Variants in PHYHD1 observed in about 807,000 individuals in gnomAD.
The protein encoded by PHYHD1 is phytanoyl-CoA dioxygenase domain-containing protein 1.
Under a neutral mutation model 43.6 loss-of-function variants are expected in PHYHD1, and 42 were observed. The observed-to-expected ratio is 0.96, with a 90% CI of 0.75 to 1.25. The LOEUF (loss-of-function observed/expected upper bound fraction) is 1.25, where lower values mean the gene tolerates loss of function less well. Among genes scored for constraint, PHYHD1 ranks in the 50% most tolerant of loss-of-function variants. The pLI, the probability that PHYHD1 is intolerant of heterozygous loss-of-function variation, is 0.00. For synonymous variants in PHYHD1, 139 were observed against 143.6 expected (o/e 0.97, Z 0.23); for missense variants, 342 against 370.8 (o/e 0.92, Z 0.64).
At chr9:128,933,537 A>G (rs1564540974) in intron 4 of PHYHD1, among the ~76,000 whole-genome samples, 2 of 152,178 alleles carry the variant, frequency 1.3e-5, no homozygotes, top group African/African-American at 2.4e-5. Flanking sequence ...CGACTCTAGC[A>G]TCCATGTTCT....
At chr9:128,931,252 C>T (rs1841268448) in intron 4 of PHYHD1, among the ~76,000 whole-genome samples, 1 of 152,050 alleles carries the variant, frequency 6.6e-6, no homozygotes, top group African/African-American at 2.4e-5. Context: ...GCTGGGATTA[C>T]AGGCGTGTGC....
chr9:128,927,069 G>A lies in PHYHD1; in HGVS notation c.65G>A (p.Gly22Glu). ...CAGGATGGATTCCTGGTGCTGGAAG[G>A]ATTCTTGTCTGCGGAAGAGTGTGTG... ...FQQDGFLVLEGFLSAEECVAM... is the reference protein window; with the variant it reads ...FQQDGFLVLEEFLSAEECVAM... Residue 22 changes from glycine (G) to glutamate (E), a missense_variant, in exon 4 of 13, where the codon GGA becomes GAA. Physicochemically the swap from Gly to Glu is moderately conservative, Grantham distance 98 (BLOSUM62 -2). Coordinates refer to ENST00000372592, the MANE Select transcript of PHYHD1 (RefSeq NM_001100876.2). The A allele has an allele frequency of 1.2e-6, 2 of 1,614,186 alleles. No homozygotes were observed. Among genetic ancestry groups the A allele is most frequent in the Non-Finnish European group, 1.7e-6 (2 of 1,180,034 alleles).
chr9:128,940,920 A>G (rs1488090322), intron 11 of PHYHD1, among the ~76,000 whole-genome samples: 1 of 151,966 alleles, frequency 6.6e-6, no homozygotes, highest in Non-Finnish European at 1.5e-5. Flanking sequence ...TGGAATCCAC[A>G]CTCTGCTACT....
chr9:128,936,410 GC>G lies in PHYHD1; in HGVS notation c.317-36del, dbSNP rs567577250. The stretch of plus-strand genomic sequence containing the variant: ...GAGCTGGGTGTGGAGGGACACGTGG[GC>G]CTGAGATGGGGCCGACAGCTTCCTT... On this transcript the variant is annotated intron_variant, in intron 6 of 12. Transcript: ENST00000372592. 1,899 of 1,589,186 alleles carry G rather than the reference GC, an allele frequency of 1.2e-3. 19 individuals carry two copies. Among genetic ancestry groups the G allele is most frequent in the Non-Finnish European group, 1.7e-4 (200 of 1,167,896 alleles).
intron 6 of PHYHD1, among the ~76,000 whole-genome samples, chr9:128,935,152 G>A (rs1362862378): frequency 6.6e-6 from 1 of 152,144 alleles, no homozygotes; most frequent in East Asian, 1.9e-4. Flanking sequence ...AGGAGGTCTC[G>A]TTATGTTGCC....
chr9:128,938,490 C>T (rs977629904), intron 9 of PHYHD1, among the ~76,000 whole-genome samples: 1 of 152,042 alleles, frequency 6.6e-6, no homozygotes. Context: ...GGCACAATTT[C>T]GGCTCACTAC....
chr9:128,924,634 A>T (rs984441500), intron 3 of PHYHD1, among the ~76,000 whole-genome samples: 1 of 150,152 alleles, frequency 6.7e-6, no homozygotes, highest in African/African-American at 2.4e-5. Flanking sequence ...AAAAAGAAGA[A>T]GGAAAGAAAA....
At chr9:128,929,750 C>A (rs1329482878) in intron 4 of PHYHD1, among the ~76,000 whole-genome samples, 2 of 152,078 alleles carry the variant, frequency 1.3e-5, no homozygotes, top group Non-Finnish European at 2.9e-5. Context: ...TCCTTTGAAC[C>A]AGTTGTAACA....
chr9:128,931,982 A>G (rs1162840185), intron 4 of PHYHD1, among the ~76,000 whole-genome samples: 1 of 149,050 alleles, frequency 6.7e-6, no homozygotes, highest in African/African-American at 2.5e-5. Flanking sequence ...TTACAGGTGC[A>G]TGCTACCACG....
Position 128,941,898 on chromosome 9 carries a change from C to A in PHYHD1, c.*185C>A. Reference sequence around the variant, plus strand: ...CTTCCCTAAGATCTTCACCTCTCTGCCTCCCTACTGCCCCAACATAGCCTT... The same window carrying A: ...CTTCCCTAAGATCTTCACCTCTCTGACTCCCTACTGCCCCAACATAGCCTT... On this transcript the variant is annotated 3_prime_UTR_variant, in exon 13 of 13. Coordinates refer to ENST00000372592, the MANE Select transcript of PHYHD1 (RefSeq NM_001100876.2). 2.8e-6 allele frequency: 2 copies of A among 717,368 alleles called. No individual in the cohort carries two copies. Among genetic ancestry groups the A allele is most frequent in the South Asian group, 3.6e-5 (2 of 55,118 alleles). 44.4% of individuals were successfully genotyped at this position (717,368 alleles called of 1,614,324 possible). A position where few individuals can be genotyped will look rare whatever the true frequency, so the allele number is the denominator to read the frequency against.
rs200676660 is a variant in PHYHD1, at chr9:128,940,694, G to T, written c.682G>T (p.Val228Leu). Residue 228 changes from valine (V) to leucine (L), a missense_variant, in exon 11 of 13, where the codon GTG (valine) becomes TTG (leucine). Physicochemically the swap from Val to Leu is conservative, Grantham distance 32. Coordinates refer to ENST00000372592, the MANE Select transcript of PHYHD1 (RefSeq NM_001100876.2). ...SEPARDNSLF[V>L]PTPVQRGALV... The stretch of plus-strand genomic sequence containing the variant: ...GCCAGCCCGGGATAACAGCCTCTTT[G>T]TGCCCACCCCAGTGCAGAGAGGTAG... 64 of 1,613,658 alleles carry T rather than the reference G, an allele frequency of 4.0e-5. No homozygotes were observed. Among genetic ancestry groups the T allele is most frequent in the Admixed American group, 1.2e-4 (7 of 60,018 alleles).
chr9:128,927,061 G>C lies in PHYHD1; in HGVS notation c.57G>C (p.Val19=). The C allele has an allele frequency of 6.2e-7, 1 of 1,614,182 alleles. No homozygotes were observed. Among genetic ancestry groups the C allele is most frequent in the Non-Finnish European group, 8.5e-7 (1 of 1,180,036 alleles). ...AGTTCCAACAGGATGGATTCCTGGT[G>C]CTGGAAGGATTCTTGTCTGCGGAAG... ...LQKFQQDGFL[V]LEGFLSAEEC... Residue 19 remains valine, a synonymous_variant, in exon 4 of 13, where the codon GTG becomes GTC. Transcript: ENST00000372592.
Position 128,936,500 on chromosome 9 carries a change from G to T in PHYHD1, c.369G>T (p.Val123=). ...VFKSITHSFK[V]QTLARSLGLQ... ...AGAGCATCACACACTCCTTCAAGGT[G>T]CAGGTGAGCAGAGGTGGGGGTGAGG... Residue 123 remains valine (V), a synonymous_variant, in exon 7 of 13, where the codon GTG becomes GTT. Transcript: ENST00000372592. 6.2e-7 allele frequency: 1 copy of T among 1,613,790 alleles called. No individual in the cohort carries two copies. The highest frequency in any genetic ancestry group is 1.1e-5 in the South Asian group (1 of 90,938).
chr9:128,940,489 C>G lies in PHYHD1; in HGVS notation c.578C>G (p.Ser193Cys). Residue 193 changes from serine to cysteine, a missense_variant, in exon 10 of 13, where the codon TCC becomes TGC. Ser to Cys is a moderately radical substitution (Grantham distance 112, BLOSUM62 -1). Transcript: ENST00000372592. The part of the protein sequence containing the change: ...ENGCLWFIPG[S>C]HTSGVSRRMV... ...GGCTGTCTCTGGTTCATCCCTGGCT[C>G]CCACACCAGTGAGGAACCCTGTCTC... 6.2e-7 allele frequency: 1 copy of G among 1,614,146 alleles called. No individual in the cohort carries two copies. The highest frequency in any genetic ancestry group is 8.5e-7 in the Non-Finnish European group (1 of 1,180,026).
chr9:128,940,775 G>T, intron 11 of PHYHD1, 60 bp downstream of exon 11: 2 of 1,552,200 alleles, frequency 1.3e-6, no homozygotes, highest in African/African-American at 1.4e-5. Context: ...GTGCTTGCTC[G>T]ACTACCCAGC....
Position 128,933,821 on chromosome 9 carries a change from C to T in PHYHD1, c.232C>T (p.Arg78Ter), listed in dbSNP as rs139012443. Residue 78 changes from arginine (R) to a stop codon, truncating the protein, a stop_gained, in exon 5 of 13, where the codon CGA becomes TGA. Coordinates refer to ENST00000372592, the MANE Select transcript of PHYHD1 (RefSeq NM_001100876.2). LOFTEE classifies it high-confidence loss of function. ...TTTCTTGAGCAGTGGTGACAAGATT[C>T]GATTCTTCTTTGAGAAAGGCGTTTT... ...DYFLSSGDKI[R>*]FFFEKGVFDE... 166 of 1,614,120 alleles carry T rather than the reference C, an allele frequency of 1.0e-4. 1 individual carries two copies. Among genetic ancestry groups the T allele is most frequent in the Middle Eastern group, 6.6e-4 (4 of 6,058 alleles).
intron 4 of PHYHD1, among the ~76,000 whole-genome samples, chr9:128,927,414 T>G (rs1841165101): frequency 6.6e-6 from 1 of 152,104 alleles, no homozygotes; most frequent in Admixed American, 6.6e-5. Context: ...CTCACTCTGT[T>G]GCTCAGTCTG....
rs1182837959 is a variant in PHYHD1 at position 128,934,020 on chromosome 9, T to C, written c.278T>C (p.Leu93Pro). The C allele has an allele frequency of 1.9e-6, 3 of 1,613,688 alleles. No homozygotes were observed. Among genetic ancestry groups the C allele is most frequent in the Non-Finnish European group, 1.7e-6 (2 of 1,179,886 alleles). Reference protein sequence around the residue: ...KGVFDEKGNFLVPPEKSINKI... With the variant: ...KGVFDEKGNFPVPPEKSINKI... ...GTTCTTTGTGCCACAGGAAATTTCCTGGTCCCTCCGGAGAAATCCATCAAC... is the reference window on the plus strand; with the variant it reads ...GTTCTTTGTGCCACAGGAAATTTCCCGGTCCCTCCGGAGAAATCCATCAAC... Residue 93 changes from leucine (L) to proline (P), a missense_variant, in exon 6 of 13, where the codon CTG becomes CCG. Physicochemically the swap from Leu to Pro is moderately conservative, Grantham distance 98. Transcript: ENST00000372592.
At chr9:128,932,174 TATTATTA>T (rs1841304065) in intron 4 of PHYHD1, among the ~76,000 whole-genome samples, 17 of 119,546 alleles carry the variant, frequency 1.4e-4, no homozygotes, top group African/African-American at 5.5e-4. Context: ...TTATTGTTAT[TATTATTA>T]TTATTTTTTT....
Sources: allele counts gnomAD v4.1 joint callset (sites outside exome capture counted in the v4.1 genomes callset), GRCh38; gene constraint gnomAD v4.1.1; transcripts MANE v1.5; gene names NCBI Gene and HGNC (gene_info 2026-07-23, HGNC 2026-07-21).